Variants in DACH1 observed in about 807,000 individuals in gnomAD.
DACH1 encodes dachshund family transcription factor 1.
In DACH1, 12 loss-of-function variants were observed where a neutral mutation model predicts 54.2. That is an observed-to-expected ratio of 0.22 (90% confidence interval 0.14 to 0.36). The LOEUF is 0.36. DACH1 is among the 10% of genes least tolerant of loss of function. The probability of loss-of-function intolerance (pLI) is 1.00; values close to 1 mark genes in which losing one functional copy is unlikely to be tolerated. For missense variants in DACH1, 805 were observed against 929.8 expected (o/e 0.87, Z 1.75); for synonymous variants, 386 against 366.2 (o/e 1.05, Z -0.62).
chr13:71,816,785 T>C (rs73491965), intron 1 of DACH1, among the ~76,000 whole-genome samples: 146 of 151,870 alleles, frequency 9.6e-4, no homozygotes, highest in African/African-American at 3.1e-3. Context: ...ATGGAGGCCA[T>C]TGTCCTTAGC....
intron 1 of DACH1, among the ~76,000 whole-genome samples, chr13:71,784,391 AAGT>A (rs1464439538): frequency 6.6e-6 from 1 of 152,110 alleles, no homozygotes; most frequent in African/African-American, 2.4e-5. Flanking sequence ...AAGAAAAAGA[AAGT>A]AGAAAATTTT....
At chr13:71,691,684 G>A (rs112306255) in intron 1 of DACH1, among the ~76,000 whole-genome samples, 7 of 152,328 alleles carry the variant, frequency 4.6e-5, no homozygotes, top group African/African-American at 1.7e-4. Context: ...TACTACCACT[G>A]TAGCAGATTT....
chr13:71,585,641 G>A (rs773516264), intron 3 of DACH1, among the ~76,000 whole-genome samples: 7 of 152,076 alleles, frequency 4.6e-5, no homozygotes, highest in Non-Finnish European at 8.8e-5. Flanking sequence ...ACACATATTA[G>A]GAAAGTCTGA....
chr13:71,487,633 T>C (rs778229895), intron 7 of DACH1, among the ~76,000 whole-genome samples: 1 of 152,182 alleles, frequency 6.6e-6, no homozygotes, highest in Non-Finnish European at 1.5e-5. Flanking sequence ...CCAGAAACGT[T>C]TTCTCTGCTG....
chr13:71,473,083 T>C (rs920438773), intron 10 of DACH1, among the ~76,000 whole-genome samples: 1 of 152,222 alleles, frequency 6.6e-6, no homozygotes, highest in Non-Finnish European at 1.5e-5. Flanking sequence ...AACAGATTCA[T>C]TGACAGTGTT....
intron 4 of DACH1, among the ~76,000 whole-genome samples, chr13:71,570,905 A>G (rs1459840993): frequency 6.6e-6 from 1 of 152,298 alleles, no homozygotes; most frequent in East Asian, 1.9e-4. Flanking sequence ...ATTCTAATTA[A>G]CAAGTAGCAC....
intron 1 of DACH1, among the ~76,000 whole-genome samples, chr13:71,748,991 A>G (rs1013271960): frequency 9.5e-6 from 1 of 104,788 alleles, no homozygotes; most frequent in Non-Finnish European, 2.0e-5. Context: ...CTTTCCTTTT[A>G]TTTCTTTCTT....
intron 10 of DACH1, among the ~76,000 whole-genome samples, chr13:71,456,901 G>A (rs1344350223): frequency 6.6e-6 from 1 of 151,914 alleles, no homozygotes; most frequent in Non-Finnish European, 1.5e-5. Context: ...AATTCTAAAC[G>A]TTGCAGCCCT....
At chr13:71,529,731 T>C (rs908999630) in intron 6 of DACH1, among the ~76,000 whole-genome samples, 1 of 152,196 alleles carries the variant, frequency 6.6e-6, no homozygotes, top group Non-Finnish European at 1.5e-5. Context: ...CAACTCACCA[T>C]CCTTAAACCA....
chr13:71,769,421 G>A (rs764323451), intron 1 of DACH1, among the ~76,000 whole-genome samples: 1 of 151,546 alleles, frequency 6.6e-6, no homozygotes, highest in South Asian at 2.1e-4. Flanking sequence ...AACACCTGTG[G>A]AACTTCATTA....
chr13:71,843,698 T>C (rs1873035865), intron 1 of DACH1, among the ~76,000 whole-genome samples: 2 of 152,242 alleles, frequency 1.3e-5, no homozygotes, highest in Non-Finnish European at 2.9e-5. Flanking sequence ...TTCTTGTTTA[T>C]TAAACACATA....
chr13:71,558,290 T>C (rs1225653086), intron 5 of DACH1, among the ~76,000 whole-genome samples: 1 of 151,920 alleles, frequency 6.6e-6, no homozygotes, highest in Non-Finnish European at 1.5e-5. Context: ...ATTTGAAAAT[T>C]TTCTGTTAGT....
intron 1 of DACH1, among the ~76,000 whole-genome samples, chr13:71,814,294 C>A (rs2138159624): frequency 6.6e-6 from 1 of 152,224 alleles, no homozygotes; most frequent in East Asian, 1.9e-4. Flanking sequence ...ACCAACCCAA[C>A]CTATAAGAAT....
intron 1 of DACH1, among the ~76,000 whole-genome samples, chr13:71,834,977 T>A (rs59752416): frequency 2.0e-5 from 3 of 151,908 alleles, no homozygotes; most frequent in African/African-American, 7.3e-5. Context: ...GGAGAGAAAT[T>A]TAGTGTTGAG....
In DACH1 at chr13:71,440,652, G is replaced by T; in HGVS notation, c.*3C>A. 1 of 1,596,830 alleles carries T rather than the reference G, an allele frequency of 6.3e-7. No homozygotes were observed. Among genetic ancestry groups the T allele is most frequent in the South Asian group, 1.2e-5 (1 of 86,868 alleles). On this transcript the variant is annotated 3_prime_UTR_variant, in exon 11 of 11. Coordinates refer to ENST00000613252, the MANE Select transcript of DACH1 (RefSeq NM_080759.6). ...TAACATGGATTTCTTCAACAGGAAA[G>T]ATTCAGTACATGACAGTAGTTTTCA...
intron 1 of DACH1, among the ~76,000 whole-genome samples, chr13:71,730,739 A>C (rs1883704517): frequency 6.6e-6 from 1 of 152,152 alleles, no homozygotes; most frequent in Admixed American, 6.5e-5. Context: ...GCAGAAAGCA[A>C]ATTTTATTTT....
intron 1 of DACH1, among the ~76,000 whole-genome samples, chr13:71,805,751 C>T (rs1887471542): frequency 6.6e-6 from 1 of 152,028 alleles, no homozygotes; most frequent in Admixed American, 6.6e-5. Context: ...AACAGTGATA[C>T]AAAGCACAGC....
At chr13:71,468,274 CTT>C (rs1876774147) in intron 10 of DACH1, among the ~76,000 whole-genome samples, 2 of 152,112 alleles carry the variant, frequency 1.3e-5, no homozygotes, top group African/African-American at 4.8e-5. Context: ...ACATCTAAAA[CTT>C]AACTGTATAC....
chr13:71,714,247 G>A (rs377032745), intron 1 of DACH1, among the ~76,000 whole-genome samples: 1 of 151,876 alleles, frequency 6.6e-6, no homozygotes, highest in South Asian at 2.1e-4. Context: ...AGGCCTCAAC[G>A]TACCAATAAG....
Sources: gnomAD v4.1 joint callset for allele counts (sites outside exome capture counted in the v4.1 genomes callset) on GRCh38, gnomAD v4.1.1 for gene constraint, MANE v1.5 for transcripts, NCBI Gene and HGNC (gene_info 2026-07-23, HGNC 2026-07-21) for gene names.